JRK: variants seen among roughly 807,000 people sequenced by gnomAD.
JRK encodes Jrk helix-turn-helix protein.
For missense variants in JRK, 720 were observed against 509.2 expected, an observed-to-expected ratio of 1.41 and a Z score of -3.98; for synonymous variants, 303 against 218.1, an observed-to-expected ratio of 1.39 and a Z score of -3.43.
downstream of JRK, among the ~76,000 whole-genome samples, chr8:142,655,490 G>C (rs1332072670): frequency 6.6e-6 from 1 of 152,222 alleles, no homozygotes; most frequent in East Asian, 1.9e-4. Flanking sequence ...CAGGAGGCTG[G>C]CAGACACAGC....
chr8:142,644,687 C>CAAG, the JRK span, among the ~76,000 whole-genome samples: 3 of 151,680 alleles, frequency 2.0e-5, no homozygotes, highest in Admixed American at 6.6e-5. Flanking sequence ...AGTGCTAACT[C>CAAG]GATTTCAAAA....
chr8:142,659,202 C>T lies in JRK; in HGVS notation c.*5150G>A. On this transcript the variant is annotated 3_prime_UTR_variant, in exon 2 of 2. Coordinates refer to ENST00000612905, the MANE Select transcript of JRK (RefSeq NM_003724.4). The stretch of plus-strand genomic sequence containing the variant: ...CCCCAGAGGACAGGCCTTCCTTTCA[C>T]ACACATCAGAAATAGGGAACCCAAG... 1.6e-6 allele frequency: 2 copies of T among 1,214,164 alleles called. No individual in the cohort carries two copies. The highest frequency in any genetic ancestry group is 2.1e-6 in the Non-Finnish European group (2 of 968,444). 75.2% of individuals were successfully genotyped at this position (1,214,164 alleles called of 1,614,324 possible). A position where few individuals can be genotyped will look rare whatever the true frequency, so the allele number is the denominator to read the frequency against.
chr8:142,655,478 AG>A (rs1846730927), downstream of JRK, among the ~76,000 whole-genome samples: 1 of 152,242 alleles, frequency 6.6e-6, no homozygotes, highest in Non-Finnish European at 1.5e-5. Flanking sequence ...ACCTCAGCAC[AG>A]CAGGAGGCTG....
Position 142,666,623 on chromosome 8 carries a change from G to A in JRK, c.-462-103C>T, listed in dbSNP as rs775184141. On this transcript the variant is annotated intron_variant, in intron 1 of 1. Transcript: ENST00000612905. ...CCGGGACACTCCAGCTGAAACTCAAGGGCTGTTGAGAGGACCCATGCAAGT... is the reference window on the plus strand; with the variant it reads ...CCGGGACACTCCAGCTGAAACTCAAAGGCTGTTGAGAGGACCCATGCAAGT... 108 of 188,588 alleles carry A rather than the reference G, an allele frequency of 5.7e-4. 1 individual carries two copies. Among genetic ancestry groups the A allele is most frequent in the Non-Finnish European group, 1.0e-3 (93 of 88,584 alleles). The allele number at this position is 188,588 out of a possible 1,614,324, so 11.7% of individuals were successfully genotyped here.
rs1221127362 is a variant in JRK, at chr8:142,665,492, G to A, written c.567C>T (p.Thr189=). 12 of 718,060 alleles carry A rather than the reference G, an allele frequency of 1.7e-5. No individual in the cohort carries two copies. Among genetic ancestry groups the A allele is most frequent in the East Asian group, 2.7e-5 (1 of 37,304 alleles). The allele number at this position is 718,060 out of a possible 1,614,324, so 44.5% of individuals were successfully genotyped here. Residue 189 remains threonine, a synonymous_variant, in exon 2 of 2, where the codon ACC becomes ACT. Transcript: ENST00000612905. ...TTGGCAGGCACCGCCAGAAAAGGCC[G>A]GTCTCATCAGCGTTGTAAACCTGCT... is the stretch of plus-strand genomic sequence containing the variant. ...SAEQVYNADE[T]GLFWRCLPNP...
chr8:142,651,540 C>CTT, the JRK span, among the ~76,000 whole-genome samples: 19 of 103,152 alleles, frequency 1.8e-4, no homozygotes, highest in African/African-American at 4.0e-4. Context: ...AAAAATCAAT[C>CTT]TTTTTTTTTT....
Position 142,664,882 on chromosome 8 carries a change from C to T in JRK, c.1177G>A (p.Glu393Lys), listed in dbSNP as rs782664346. 23 of 1,346,856 alleles carry T rather than the reference C, an allele frequency of 1.7e-5. No individual in the cohort carries two copies. Among genetic ancestry groups the T allele is most frequent in the Non-Finnish European group, 2.4e-5 (23 of 940,186 alleles). The allele number at this position is 1,346,856 out of a possible 1,614,324, so 83.4% of individuals were successfully genotyped here. A position where few individuals can be genotyped will look rare whatever the true frequency, so the allele number is the denominator to read the frequency against. Residue 393 changes from glutamate to lysine, a missense_variant, in exon 2 of 2, where the codon GAA becomes AAA. Glu to Lys is a moderately conservative substitution (Grantham distance 56). Coordinates refer to ENST00000612905, the MANE Select transcript of JRK (RefSeq NM_003724.4). ...AACTCCTCCTCAGAGGAGGAGCCTTCGGCAAACGCAACCGACGGCCACAGC... is the reference window on the plus strand; with the variant it reads ...AACTCCTCCTCAGAGGAGGAGCCTTTGGCAAACGCAACCGACGGCCACAGC... The part of the protein sequence containing the change: ...RKLWPSVAFA[E>K]GSSSEEELEA...
rs782353541 is a variant in JRK at position 142,665,425 on chromosome 8, C to T, written c.634G>A (p.Gly212Ser). Residue 212 changes from glycine (G) to serine (S), a missense_variant, in exon 2 of 2, where the codon GGC (glycine) becomes AGC (serine). Gly to Ser is a moderately conservative substitution (Grantham distance 56). Transcript: ENST00000612905. ...ATCAGCACGGTCAGCCGGTCCTTGC[C>T]CTGCTTGGGGCCAGGCACAGCCCCG... ...EGGAVPGPKQ[G>S]KDRLTVLMCA... The T allele has an allele frequency of 2.8e-6, 2 of 717,660 alleles. No homozygotes were observed. The highest frequency in any genetic ancestry group is 2.7e-5 in the East Asian group (1 of 37,278). 44.5% of individuals were successfully genotyped at this position (717,660 alleles called of 1,614,324 possible).
chr8:142,664,747 C>A lies in JRK; in HGVS notation c.1312G>T (p.Ala438Ser). 6 of 1,594,510 alleles carry A rather than the reference C, an allele frequency of 3.8e-6. No individual in the cohort carries two copies. Among genetic ancestry groups the A allele is most frequent in the Non-Finnish European group, 5.1e-6 (6 of 1,171,240 alleles). Residue 438 changes from alanine (A) to serine (S), a missense_variant, in exon 2 of 2, where the codon GCC becomes TCC. Transcript: ENST00000612905. The stretch of plus-strand genomic sequence containing the variant: ...TCCCTTCCCGCTACCCCCCAGCTGG[C>A]GGCCTGGCGCTGGCGAAGCTGGCCC... Reference protein sequence around the residue: ...CPGQLRQRQAASWGVAGREAE... With the variant: ...CPGQLRQRQASSWGVAGREAE...
At position 142,662,778 on chromosome 8, in the gene JRK, G is replaced by A. The variant is rs1846957665; in HGVS notation, c.*1574C>T. The A allele has an allele frequency of 3.0e-6, 3 of 985,336 alleles. No individual in the cohort carries two copies. The highest frequency in any genetic ancestry group is 1.7e-5 in the African/African-American group (1 of 57,242). The allele number at this position is 985,336 out of a possible 1,614,324, so 61.0% of individuals were successfully genotyped here. On this transcript the variant is annotated 3_prime_UTR_variant, in exon 2 of 2. Transcript: ENST00000612905. ...TGGAATCAACAGCAGACGCTGGAAT[G>A]CAAACTACGTGCTGACTCGGCCAAA...
At chr8:142,655,383 G>T (rs587666589), downstream of JRK, among the ~76,000 whole-genome samples, 9 of 152,332 alleles carry the variant, frequency 5.9e-5, no homozygotes, top group South Asian at 1.4e-3. Flanking sequence ...AGTGAAAGGG[G>T]TGTTATTAGC....
Position 142,661,967 on chromosome 8 carries a change from G to C in JRK, c.*2385C>G. 1.0e-6 allele frequency: 1 copy of C among 985,516 alleles called. No individual in the cohort carries two copies. The allele number at this position is 985,516 out of a possible 1,614,324, so 61.0% of individuals were successfully genotyped here. A position where few individuals can be genotyped will look rare whatever the true frequency, so the allele number is the denominator to read the frequency against. On this transcript the variant is annotated 3_prime_UTR_variant, in exon 2 of 2. Coordinates refer to ENST00000612905, the MANE Select transcript of JRK (RefSeq NM_003724.4). Reference sequence around the variant, plus strand: ...AGCAGCTCAGAGATGAGTACGCTCTGGGCTCCCTAAAAACCTCACTCCAGC... The same window carrying C: ...AGCAGCTCAGAGATGAGTACGCTCTCGGCTCCCTAAAAACCTCACTCCAGC...
rs1375565668 is a variant in JRK at position 142,669,195 on chromosome 8, T to TGTGTGTGTGTGTGC, written c.-463+736_-463+737insGCACACACACACAC. On this transcript the variant is annotated intron_variant, in intron 1 of 1. Transcript: ENST00000612905. ...GTGTGTGTGTGTGTGTGTGTGTGTG[T>TGTGTGTGTGTGTGC]GTGTGCGTGTGTGTGTTGGGGGGTA... 1.7e-4 allele frequency among the ~76,000 whole-genome samples: 11 copies of TGTGTGTGTGTGTGC among 63,084 alleles called. No homozygotes were observed. In the South Asian group the frequency reaches 7.5e-3, roughly 43 times the overall value. The allele number at this position is 63,084 out of a possible 152,430, so 41.4% of individuals were successfully genotyped here.
chr8:142,663,660 G>A lies in JRK; in HGVS notation c.*692C>T, dbSNP rs1413161592. 6 of 985,360 alleles carry A rather than the reference G, an allele frequency of 6.1e-6. No homozygotes were observed. The highest frequency in any genetic ancestry group is 6.0e-6 in the Non-Finnish European group (5 of 829,968). The allele number at this position is 985,360 out of a possible 1,614,324, so 61.0% of individuals were successfully genotyped here. ...TCTTCCCAGAAAGGAACTCTACCAA[G>A]TCAACTCTCCGTGGGGCCCCCCAAC... On this transcript the variant is annotated 3_prime_UTR_variant, in exon 2 of 2. Coordinates refer to ENST00000612905, the MANE Select transcript of JRK (RefSeq NM_003724.4).
chr8:142,661,172 T>G lies in JRK; in HGVS notation c.*3180A>C. On this transcript the variant is annotated 3_prime_UTR_variant, in exon 2 of 2. Transcript: ENST00000612905. ...GCAAGGTCTGCTCTAGACCCTCCTATGCAGGAGACAGACAACTTCCAGGAC... is the reference window on the plus strand; with the variant it reads ...GCAAGGTCTGCTCTAGACCCTCCTAGGCAGGAGACAGACAACTTCCAGGAC... 1.0e-6 allele frequency: 1 copy of G among 985,492 alleles called. No individual in the cohort carries two copies. Among genetic ancestry groups the G allele is most frequent in the Non-Finnish European group, 1.2e-6 (1 of 829,974 alleles). The allele number at this position is 985,492 out of a possible 1,614,324, so 61.0% of individuals were successfully genotyped here. A position where few individuals can be genotyped will look rare whatever the true frequency, so the allele number is the denominator to read the frequency against.
Position 142,665,614 on chromosome 8 carries a change from C to T in JRK, c.445G>A (p.Asp149Asn). The change falls in exon 2 of 2, where the codon GAT becomes AAT. Residue 149 changes from aspartate to asparagine, a missense_variant. Physicochemically the swap from Asp to Asn is conservative, Grantham distance 23 (BLOSUM62 1). Transcript: ENST00000612905. ...GCTGACTGCTTTTCACTGGATGCATCTAGCTTTTTAATGCCGTGTCTGGCC... is the reference window on the plus strand; with the variant it reads ...GCTGACTGCTTTTCACTGGATGCATTTAGCTTTTTAATGCCGTGTCTGGCC... ...FKARHGIKKL[D>N]ASSEKQSADH... 1.4e-6 allele frequency: 1 copy of T among 718,566 alleles called. No individual in the cohort carries two copies. Among genetic ancestry groups the T allele is most frequent in the East Asian group, 2.7e-5 (1 of 37,300 alleles). 44.5% of individuals were successfully genotyped at this position (718,566 alleles called of 1,614,324 possible). A position where few individuals can be genotyped will look rare whatever the true frequency, so the allele number is the denominator to read the frequency against.
At chr8:142,667,438 C>G (rs1237304748) in intron 1 of JRK, among the ~76,000 whole-genome samples, 1 of 31,394 alleles carries the variant, frequency 3.2e-5, no homozygotes, top group South Asian at 7.8e-4. Flanking sequence ...CGGAGACACA[C>G]ACACACACAC....
Position 142,661,237 on chromosome 8 carries a change from G to A in JRK, c.*3115C>T. 1.0e-6 allele frequency: 1 copy of A among 985,618 alleles called. No homozygotes were observed. The highest frequency in any genetic ancestry group is 1.2e-6 in the Non-Finnish European group (1 of 830,070). The allele number at this position is 985,618 out of a possible 1,614,324, so 61.1% of individuals were successfully genotyped here. A position where few individuals can be genotyped will look rare whatever the true frequency, so the allele number is the denominator to read the frequency against. Reference sequence around the variant, plus strand: ...GCTCGCAGAAGGCCAGGCTGGCACAGGCAGGACAGGTGTTCTGTAAACCAA... The same window carrying A: ...GCTCGCAGAAGGCCAGGCTGGCACAAGCAGGACAGGTGTTCTGTAAACCAA... On this transcript the variant is annotated 3_prime_UTR_variant, in exon 2 of 2. Coordinates refer to ENST00000612905, the MANE Select transcript of JRK (RefSeq NM_003724.4).
chr8:142,659,138 C>G lies in JRK; in HGVS notation c.*5214G>C. ...AGGCTGGCCAGGTGCCAAGTCCCAG[C>G]TCAAGCCTGGCAGCTCCTCCCACTG... On this transcript the variant is annotated 3_prime_UTR_variant, in exon 2 of 2. Coordinates refer to ENST00000612905, the MANE Select transcript of JRK (RefSeq NM_003724.4). 1 of 1,343,768 alleles carries G rather than the reference C, an allele frequency of 7.4e-7. No individual in the cohort carries two copies. The highest frequency in any genetic ancestry group is 1.5e-5 in the African/African-American group (1 of 67,768). 83.2% of individuals were successfully genotyped at this position (1,343,768 alleles called of 1,614,324 possible).
Sources: gnomAD v4.1 joint callset for allele counts (sites outside exome capture counted in the v4.1 genomes callset) on GRCh38, gnomAD v4.1.1 for gene constraint, MANE v1.5 for transcripts, NCBI Gene and HGNC (gene_info 2026-07-23, HGNC 2026-07-21) for gene names.